Variants in CDH9 observed in about 807,000 individuals in gnomAD.
CDH9 encodes cadherin 9.
Under a neutral mutation model 70.9 loss-of-function variants are expected in CDH9, and 28 were observed. That is an observed-to-expected ratio of 0.40 (90% CI 0.29 to 0.54). The LOEUF (loss-of-function observed/expected upper bound fraction) is 0.54. Among genes scored for constraint, CDH9 ranks in the 20% least tolerant of loss-of-function variants. CDH9 has a pLI of 0.59. For synonymous variants in CDH9, 409 were observed against 343.1 expected, an observed-to-expected ratio of 1.19 and a Z score of -2.12; for missense variants, 874 against 984.4, an observed-to-expected ratio of 0.89 and a Z score of 1.50.
chr5:26,968,371 C>A (rs1742163614), intron 2 of CDH9, among the ~76,000 whole-genome samples: 6 of 151,928 alleles, frequency 3.9e-5, no homozygotes, highest in Admixed American at 3.9e-4. Context: ...CTGCAACCTC[C>A]ACATCTCAGG....
intron 1 of CDH9, among the ~76,000 whole-genome samples, chr5:27,022,287 G>C (rs1743151222): frequency 6.6e-6 from 1 of 151,754 alleles, no homozygotes; most frequent in Non-Finnish European, 1.5e-5. Flanking sequence ...TTTTTTAAAG[G>C]ATCATTGGAC....
At chr5:26,983,810 T>C (rs2112087094) in intron 2 of CDH9, among the ~76,000 whole-genome samples, 1 of 152,298 alleles carries the variant, frequency 6.6e-6, no homozygotes, top group South Asian at 2.1e-4. Flanking sequence ...TTTATTTCTA[T>C]TTCTATTTCT....
At chr5:27,019,216 G>A (rs1297729081) in intron 1 of CDH9, among the ~76,000 whole-genome samples, 1 of 151,928 alleles carries the variant, frequency 6.6e-6, no homozygotes, top group Non-Finnish European at 1.5e-5. Context: ...ATGGAAGAAT[G>A]GAAAACCTAG....
intron 7 of CDH9, among the ~76,000 whole-genome samples, chr5:26,892,804 C>G (rs1277001547): frequency 6.6e-6 from 1 of 152,134 alleles, no homozygotes; most frequent in Non-Finnish European, 1.5e-5. Flanking sequence ...GATCTCGGCT[C>G]ACTGCAAGCT....
chr5:26,946,505 G>A (rs914480633), intron 2 of CDH9, among the ~76,000 whole-genome samples: 1 of 152,154 alleles, frequency 6.6e-6, no homozygotes, highest in South Asian at 2.1e-4. Context: ...GCCAAGAAGT[G>A]AGGCTATGTA....
In CDH9 at chr5:26,883,617, T is replaced by C. The variant is rs181914035; in HGVS notation, c.1883-1994A>G. Among the ~76,000 whole-genome samples, 25 of 152,234 alleles carry C rather than the reference T, an allele frequency of 1.6e-4. No homozygotes were observed. The East Asian group carries it at 4.8e-3, about 29-fold the overall frequency. On this transcript the variant is annotated intron_variant, in intron 11 of 11. Coordinates refer to ENST00000231021, the MANE Select transcript of CDH9 (RefSeq NM_016279.4). The stretch of plus-strand genomic sequence containing the variant: ...GTTTGACAGATAAATCAAACCATAG[T>C]TAGACTTGCTCCAGAACACAGCATG...
chr5:26,923,698 A>G (rs945816896), intron 2 of CDH9, among the ~76,000 whole-genome samples: 3 of 152,088 alleles, frequency 2.0e-5, no homozygotes, highest in African/African-American at 7.2e-5. Flanking sequence ...AAACAATTGA[A>G]ATAATATCAA....
intron 7 of CDH9, among the ~76,000 whole-genome samples, chr5:26,898,499 GAGCCAGCAATAATGCCACATATCTAC>G (rs1740793131): frequency 6.6e-6 from 1 of 151,978 alleles, no homozygotes; most frequent in African/African-American, 2.4e-5. Flanking sequence ...GAACAGAACA[GAGCCAGCAATAATGCCACATATCTAC>G]AGCCATCTGA....
intron 1 of CDH9, among the ~76,000 whole-genome samples, chr5:27,001,430 T>C (rs1468028492): frequency 6.6e-6 from 1 of 152,154 alleles, no homozygotes; most frequent in East Asian, 1.9e-4. Context: ...TTGGCAGATG[T>C]TGGGATTCAG....
Position 26,922,267 on chromosome 5 carries a change from GAAC to G in CDH9, c.229-6346_229-6344del, listed in dbSNP as rs146352532. Reference sequence around the variant, plus strand: ...CACAAAGCAGATTTAACCCAAATAAGAACAACAAGACATTTACTAATCAAACTT... The same window carrying G: ...CACAAAGCAGATTTAACCCAAATAAGAACAAGACATTTACTAATCAAACTT... On this transcript the variant is annotated intron_variant, in intron 2 of 11. Transcript: ENST00000231021. 8.5e-3 allele frequency among the ~76,000 whole-genome samples: 1,290 copies of G among 151,946 alleles called. 18 individuals are homozygous for G. Among genetic ancestry groups the G allele is most frequent in the African/African-American group, 0.029 (1,199 of 41,488 alleles).
chr5:26,920,421 A>C (rs1416909674), intron 2 of CDH9, among the ~76,000 whole-genome samples: 1 of 151,980 alleles, frequency 6.6e-6, no homozygotes, highest in Non-Finnish European at 1.5e-5. Flanking sequence ...CTCTGGACCC[A>C]CCTAGGACCA....
intron 1 of CDH9, among the ~76,000 whole-genome samples, chr5:27,007,500 AAG>A (rs1343578052): frequency 1.3e-5 from 2 of 152,146 alleles, no homozygotes; most frequent in African/African-American, 4.8e-5. Flanking sequence ...TCAATTATTC[AAG>A]AGTTTATTAT....
chr5:26,959,373 T>C (rs1327043373), intron 2 of CDH9, among the ~76,000 whole-genome samples: 1 of 152,096 alleles, frequency 6.6e-6, no homozygotes, highest in Non-Finnish European at 1.5e-5. Context: ...GGCAAGGTTG[T>C]AGAGAAATTG....
chr5:26,897,628 C>G (rs2111981694), intron 7 of CDH9, among the ~76,000 whole-genome samples: 1 of 152,186 alleles, frequency 6.6e-6, no homozygotes, highest in Non-Finnish European at 1.5e-5. Flanking sequence ...CCCTTTCATG[C>G]TATAAACTTT....
At chr5:26,881,688 G>C in intron 11 of CDH9, 65 bp from the exon 12 acceptor site, 2 of 1,434,166 alleles carry the variant, frequency 1.4e-6, no homozygotes. Context: ...GTACACTTCT[G>C]AGTGTGAAAT....
At chr5:26,959,861 G>A (rs895451367) in intron 2 of CDH9, among the ~76,000 whole-genome samples, 4 of 151,272 alleles carry the variant, frequency 2.6e-5, no homozygotes, top group African/African-American at 2.4e-5. Flanking sequence ...GTCAGTGTTC[G>A]GGAACTGGGG....
intron 2 of CDH9, among the ~76,000 whole-genome samples, chr5:26,961,826 C>T (rs1742041619): frequency 6.6e-6 from 1 of 151,816 alleles, no homozygotes; most frequent in African/African-American, 2.4e-5. Context: ...CAGAAGCCCC[C>T]TTTTTTTTAA....
intron 2 of CDH9, among the ~76,000 whole-genome samples, chr5:26,984,332 T>G (rs893862304): frequency 6.6e-6 from 1 of 152,188 alleles, no homozygotes; most frequent in African/African-American, 2.4e-5. Flanking sequence ...GTCAATTAAG[T>G]TGATATTCCA....
At chr5:27,018,315 TACAC>T (rs1038766781) in intron 1 of CDH9, among the ~76,000 whole-genome samples, 17 of 151,764 alleles carry the variant, frequency 1.1e-4, no homozygotes, top group African/African-American at 4.1e-4. Context: ...TTTAAATACA[TACAC>T]ACATACATGT....
Sources: gnomAD v4.1 joint callset for allele counts (sites outside exome capture counted in the v4.1 genomes callset) on GRCh38, gnomAD v4.1.1 for gene constraint, MANE v1.5 for transcripts, NCBI Gene and HGNC (gene_info 2026-07-23, HGNC 2026-07-21) for gene names.